Variants in LGSN observed in about 807,000 individuals in gnomAD.
LGSN encodes lengsin.
Under a neutral mutation model 19.5 loss-of-function variants are expected in LGSN, and 21 were observed. That is an observed-to-expected ratio of 1.07 (90% CI 0.76 to 1.55). LGSN has a LOEUF of 1.55. Among genes scored for constraint, LGSN ranks in the 40% most tolerant of loss-of-function variants. The pLI is 0.00. For missense variants in LGSN, 673 were observed against 608.5 expected (o/e 1.11, Z -1.12); for synonymous variants, 257 against 215.6 (o/e 1.19, Z -1.68).
chr6:63,465,487 A>T, the LGSN span, among the ~76,000 whole-genome samples: 1 of 152,004 alleles, frequency 6.6e-6, no homozygotes, highest in South Asian at 2.1e-4. Context: ...CAGCCTGCAC[A>T]TCTATTTCCA....
At chr6:63,440,349 G>A in the LGSN span, among the ~76,000 whole-genome samples, 1 of 152,166 alleles carries the variant, frequency 6.6e-6, no homozygotes, top group South Asian at 2.1e-4. Flanking sequence ...CCTGTGTGGT[G>A]ACTTGGCATT....
At chr6:63,507,166 C>G in the LGSN span, among the ~76,000 whole-genome samples, 1 of 152,208 alleles carries the variant, frequency 6.6e-6, no homozygotes, top group Non-Finnish European at 1.5e-5. Flanking sequence ...TCACAACTGT[C>G]CCTCCGTCCT....
At chr6:63,287,087 C>T (rs116495776) in intron 2 of LGSN, among the ~76,000 whole-genome samples, 2,685 of 152,238 alleles carry the variant, frequency 0.018, 46 homozygotes, top group South Asian at 0.062. Context: ...GGCTTTAAAA[C>T]TAAGCATAAA....
chr6:63,384,503 G>A, the LGSN span, among the ~76,000 whole-genome samples: 1 of 149,482 alleles, frequency 6.7e-6, no homozygotes, highest in South Asian at 2.1e-4. Context: ...GTGTGTGTGT[G>A]TGTGTGTGTG....
At chr6:63,300,682 A>G (rs1014506498) in intron 1 of LGSN, among the ~76,000 whole-genome samples, 15 of 152,180 alleles carry the variant, frequency 9.9e-5, no homozygotes, top group African/African-American at 3.6e-4. Flanking sequence ...AAAAATAAAA[A>G]ATAAGAATAA....
At position 63,280,163 on chromosome 6, in the gene LGSN, A is replaced by G. The variant is rs777791544; in HGVS notation, c.1388T>C (p.Leu463Pro). The change falls in exon 4 of 4, where the codon CTT (leucine) becomes CCT (proline). Residue 463 changes from leucine (L) to proline (P), a missense_variant. By Grantham distance (98) the Leu-to-Pro change is moderately conservative. Coordinates refer to ENST00000370657, the MANE Select transcript of LGSN (RefSeq NM_016571.3). ...SEIPLKLEDA[L>P]VALEEDQCLR... ...GCATTGATCTTCTTCCAGTGCCACA[A>G]GGGCATCTTCTAGTTTTAAAGGGAT... 3.1e-6 allele frequency: 5 copies of G among 1,614,114 alleles called. No individual in the cohort carries two copies. The highest frequency in any genetic ancestry group is 3.3e-5 in the Admixed American group (2 of 60,006).
chr6:63,389,199 T>C, the LGSN span, among the ~76,000 whole-genome samples: 1 of 151,886 alleles, frequency 6.6e-6, no homozygotes, highest in South Asian at 2.1e-4. Flanking sequence ...ACACAGAAAG[T>C]GAAAAAGCTA....
chr6:63,277,977 G>A lies in LGSN; in HGVS notation c.*2044C>T, dbSNP rs998145544. 2 of 152,092 alleles carry A rather than the reference G, an allele frequency of 1.3e-5. No individual in the cohort carries two copies. The highest frequency in any genetic ancestry group is 4.8e-5 in the African/African-American group (2 of 41,290). The allele number at this position is 152,092 out of a possible 1,614,324, so 9.4% of individuals were successfully genotyped here. A position where few individuals can be genotyped will look rare whatever the true frequency, so the allele number is the denominator to read the frequency against. The stretch of plus-strand genomic sequence containing the variant: ...GGATCCCAGCTACTTGGGAGGCTGA[G>A]GCAGGAGAATTACTTGAACCCAGGG... On this transcript the variant is annotated 3_prime_UTR_variant, in exon 4 of 4. Transcript: ENST00000370657.
the LGSN span, among the ~76,000 whole-genome samples, chr6:63,534,143 G>A: frequency 3.3e-5 from 5 of 151,650 alleles, no homozygotes; most frequent in East Asian, 3.9e-4. Context: ...GTGCCCAGCC[G>A]AACAAACATT....
At chr6:63,526,406 A>G in the LGSN span, among the ~76,000 whole-genome samples, 39 of 152,280 alleles carry the variant, frequency 2.6e-4, no homozygotes, top group African/African-American at 9.4e-4. Context: ...TTCTATTATC[A>G]AAAATGAAGA....
At chr6:63,483,961 T>C in the LGSN span, among the ~76,000 whole-genome samples, 2 of 152,016 alleles carry the variant, frequency 1.3e-5, no homozygotes, top group South Asian at 4.1e-4. Context: ...GCCCATAACA[T>C]GCAATCAACT....
At chr6:63,548,932 G>T in the LGSN span, 1 of 883,610 alleles carries the variant, frequency 1.1e-6, no homozygotes, top group South Asian at 1.3e-5. Flanking sequence ...CTGTGGACTA[G>T]ACGTCCCAGT....
chr6:63,504,959 ATTC>A, the LGSN span, among the ~76,000 whole-genome samples: 1 of 152,184 alleles, frequency 6.6e-6, no homozygotes, highest in Non-Finnish European at 1.5e-5. Flanking sequence ...TTTGTCACAC[ATTC>A]TTTTGAGTCA....
At chr6:63,375,917 ATTATC>A in the LGSN span, among the ~76,000 whole-genome samples, 1 of 152,140 alleles carries the variant, frequency 6.6e-6, no homozygotes, top group Non-Finnish European at 1.5e-5. Flanking sequence ...CTTTCTACAT[ATTATC>A]TTGTTTGGTC....
At chr6:63,511,794 ACT>A in the LGSN span, among the ~76,000 whole-genome samples, 1 of 152,072 alleles carries the variant, frequency 6.6e-6, no homozygotes, top group South Asian at 2.1e-4. Flanking sequence ...TGAGAAAATG[ACT>A]CTCCAAATCT....
the LGSN span, among the ~76,000 whole-genome samples, chr6:63,339,910 G>T: frequency 6.6e-6 from 1 of 152,022 alleles, no homozygotes; most frequent in African/African-American, 2.4e-5. Flanking sequence ...GCTTCCAGAT[G>T]TAGGACTCCC....
chr6:63,278,387 C>T lies in LGSN; in HGVS notation c.*1634G>A, dbSNP rs1483667076. ...CATTCTGGAGGTTTCAGGACAGGTT[C>T]CCTTCCTTCCCCCAGCTACCCTACA... On this transcript the variant is annotated 3_prime_UTR_variant, in exon 4 of 4. Coordinates refer to ENST00000370657, the MANE Select transcript of LGSN (RefSeq NM_016571.3). 1 of 151,972 alleles carries T rather than the reference C, an allele frequency of 6.6e-6. No homozygotes were observed. Among genetic ancestry groups the T allele is most frequent in the Non-Finnish European group, 1.5e-5 (1 of 68,008 alleles). 9.4% of individuals were successfully genotyped at this position (151,972 alleles called of 1,614,324 possible). A position where few individuals can be genotyped will look rare whatever the true frequency, so the allele number is the denominator to read the frequency against.
At chr6:63,516,436 C>G in the LGSN span, among the ~76,000 whole-genome samples, 2 of 152,190 alleles carry the variant, frequency 1.3e-5, no homozygotes, top group Non-Finnish European at 2.9e-5. Flanking sequence ...AACTGTTTTA[C>G]GGTAGAAGCA....
At chr6:63,312,946 A>G (rs1235524068) in intron 1 of LGSN, among the ~76,000 whole-genome samples, 8 of 152,190 alleles carry the variant, frequency 5.3e-5, no homozygotes, top group Non-Finnish European at 1.2e-4. Context: ...TGTTTTGGGC[A>G]TATGGAATCT....
Sources: allele counts gnomAD v4.1 joint callset (sites outside exome capture counted in the v4.1 genomes callset), GRCh38; gene constraint gnomAD v4.1.1; transcripts MANE v1.5; gene names NCBI Gene and HGNC (gene_info 2026-07-23, HGNC 2026-07-21).